Variants in POGZ observed in about 807,000 individuals in gnomAD.
POGZ encodes pogo transposable element derived with ZNF domain, also known as pogo transposable element with ZNF domain.
A neutral mutation model predicts 134.6 loss-of-function variants in POGZ; 17 were observed. The observed-to-expected ratio is 0.13, with a 90% CI of 0.09 to 0.19. The LOEUF (loss-of-function observed/expected upper bound fraction) is 0.19, where lower values mean the gene tolerates loss of function less well. Ranked by LOEUF, POGZ falls within the 10% of genes least tolerant of loss-of-function variation. POGZ has a pLI of 1.00. For missense variants in POGZ, 1,306 were observed against 1,769.7 expected, an observed-to-expected ratio of 0.74 and a Z score of 4.70; for synonymous variants, 693 against 657.1, an observed-to-expected ratio of 1.05 and a Z score of -0.84.
chr1:151,440,886 C>A (rs771186733), intron 3 of POGZ, 42 bp downstream of exon 3: 9 of 1,560,142 alleles, frequency 5.8e-6, no homozygotes, highest in Non-Finnish European at 7.1e-6. Context: ...ATTCTTTCAC[C>A]CCTCTAGCCC....
chr1:151,417,685 T>TA, intron 10 of POGZ, among the ~76,000 whole-genome samples: 1 of 112,788 alleles, frequency 8.9e-6, no homozygotes, highest in African/African-American at 3.6e-5. Context: ...AAAGGTACTG[T>TA]GGCCACACAC....
intron 18 of POGZ, 26 bp downstream of exon 18, chr1:151,406,576 GAAATT>G: frequency 6.2e-7 from 1 of 1,605,202 alleles, no homozygotes; most frequent in Non-Finnish European, 8.5e-7. Flanking sequence ...CTGCAAACCA[GAAATT>G]AAATTGTGAG....
chr1:151,429,469 C>A, intron 5 of POGZ, 134 bp downstream of exon 5: 1 of 446,988 alleles, frequency 2.2e-6, no homozygotes, highest in African/African-American at 2.0e-5. Context: ...TAAAATTGGG[C>A]TTAAATCATT....
chr1:151,430,773 C>G lies in POGZ; in HGVS notation c.352G>C (p.Gly118Arg). The G allele has an allele frequency of 6.2e-7, 1 of 1,600,730 alleles. No homozygotes were observed. The highest frequency in any genetic ancestry group is 8.5e-7 in the Non-Finnish European group (1 of 1,174,720). ...AATACTGGTTGAGTAACCATTGTGC[C>G]CAGACCTGGGGCTGGATTCTGGGTC... ...ILTQNPAPGL[G>R]TMVTQPVLRP... The change falls in exon 4 of 19, where the codon GGC becomes CGC. Residue 118 changes from glycine (G) to arginine (R), a missense_variant. Around this residue, in one of 10 missense-constraint regions of POGZ, gnomAD observed 541 missense variants for 680.5 expected, o/e 0.80. Transcript: ENST00000271715.
intron 1 of POGZ, among the ~76,000 whole-genome samples, chr1:151,448,666 A>G (rs1661604432): frequency 6.6e-6 from 1 of 152,002 alleles, no homozygotes; most frequent in Admixed American, 6.6e-5. Context: ...GTTCGAGACC[A>G]GCCTGGGCAA....
chr1:151,426,498 A>G (rs1657804082), intron 7 of POGZ: 2 of 151,894 alleles, frequency 1.3e-5, no homozygotes, highest in South Asian at 2.1e-4. Flanking sequence ...TCCTTTGTCT[A>G]TTTTTTAAAA....
Position 151,406,010 on chromosome 1 carries a change from G to T in POGZ, c.3025C>A (p.Arg1009Ser). The change falls in exon 19 of 19, where the codon CGT (arginine) becomes AGT (serine). Residue 1009 changes from arginine to serine, a missense_variant. Arg to Ser is a moderately radical substitution (Grantham distance 110, BLOSUM62 -1). Coordinates refer to ENST00000271715, the MANE Select transcript of POGZ (RefSeq NM_015100.4). ...PQRRIRRWLR[R>S]FQASQGENLE... ...TTCTCCCCCTGGGAGGCCTGGAAAC[G>T]TCGAAGCCAACGGCGAATACGTCGC... The T allele has an allele frequency of 6.2e-7, 1 of 1,614,230 alleles. No homozygotes were observed. Among genetic ancestry groups the T allele is most frequent in the Non-Finnish European group, 8.5e-7 (1 of 1,180,046 alleles).
chr1:151,406,847 T>A, intron 17 of POGZ, 64 bp downstream of exon 17: 1 of 1,264,714 alleles, frequency 7.9e-7, no homozygotes, highest in South Asian at 1.2e-5. Flanking sequence ...TCCTGATGCA[T>A]ACAGTACGAA....
At chr1:151,456,251 A>G (rs1305579083) in intron 1 of POGZ, among the ~76,000 whole-genome samples, 1 of 151,730 alleles carries the variant, frequency 6.6e-6, no homozygotes, top group Non-Finnish European at 1.5e-5. Context: ...TCATTAAACA[A>G]CATTTTAAAA....
At chr1:151,416,552 G>C (rs1002139376) in intron 10 of POGZ, among the ~76,000 whole-genome samples, 2 of 151,642 alleles carry the variant, frequency 1.3e-5, no homozygotes, top group African/African-American at 2.4e-5. Flanking sequence ...GAACCCTAGG[G>C]CCATACAAGC....
rs1230049196 is a variant in POGZ at position 151,459,260 on chromosome 1, G to A, written c.-110C>T. On this transcript the variant is annotated 5_prime_UTR_variant, in exon 1 of 19. Transcript: ENST00000271715. ...GGTGGGAGCAGGGGGAGGGGACGGG[G>A]GCTTGGGGGGAGACGAAGAAGAGGT... The A allele has an allele frequency of 3.3e-5, 5 of 152,084 alleles. No homozygotes were observed. Among genetic ancestry groups the A allele is most frequent in the African/African-American group, 4.8e-5 (2 of 41,396 alleles). The allele number at this position is 152,084 out of a possible 1,614,324, so 9.4% of individuals were successfully genotyped here.
At chr1:151,412,242 T>C (rs1010055701) in intron 11 of POGZ, 54 bp downstream of exon 11, 24 of 920,034 alleles carry the variant, frequency 2.6e-5, no homozygotes, top group Admixed American at 1.2e-4. Flanking sequence ...GTAAATTCTT[T>C]GTATTCTTCC....
At chr1:151,407,413 A>C in intron 15 of POGZ, 122 bp from the exon 16 acceptor site, 1 of 660,904 alleles carries the variant, frequency 1.5e-6, no homozygotes, top group East Asian at 2.7e-5. Context: ...ATCTCAACCT[A>C]AGCCAGTTTT....
chr1:151,444,635 T>C (rs1661014655), intron 1 of POGZ, among the ~76,000 whole-genome samples: 1 of 152,234 alleles, frequency 6.6e-6, no homozygotes. Context: ...GCTATCAGAA[T>C]ACAAATTGTG....
intron 1 of POGZ, chr1:151,455,306 T>A (rs779418501): frequency 6.6e-6 from 1 of 152,218 alleles, no homozygotes; most frequent in African/African-American, 2.4e-5. Flanking sequence ...AGTAACTTCC[T>A]CAAGGTTACA....
At chr1:151,421,481 A>G (rs1054793591) in intron 10 of POGZ, among the ~76,000 whole-genome samples, 2 of 152,232 alleles carry the variant, frequency 1.3e-5, no homozygotes, top group African/African-American at 4.8e-5. Context: ...ATTAATGTCA[A>G]TCCCACTTCC....
At chr1:151,413,710 C>T (rs1371201086) in intron 10 of POGZ, among the ~76,000 whole-genome samples, 4 of 151,144 alleles carry the variant, frequency 2.6e-5, no homozygotes, top group East Asian at 2.0e-4. Flanking sequence ...GACAGAGTCT[C>T]GTTCTGTCTC....
chr1:151,431,796 A>G (rs1658738627), intron 3 of POGZ, among the ~76,000 whole-genome samples: 1 of 152,116 alleles, frequency 6.6e-6, no homozygotes, highest in Non-Finnish European at 1.5e-5. Context: ...TGGTGAAAAA[A>G]CCAATACTAA....
chr1:151,431,091 A>T (rs1301387201), intron 3 of POGZ, among the ~76,000 whole-genome samples: 1 of 152,068 alleles, frequency 6.6e-6, no homozygotes, highest in Non-Finnish European at 1.5e-5. Context: ...TTAGAAACAG[A>T]AATGGTGTCC....
Sources: gnomAD v4.1 joint callset for allele counts (sites outside exome capture counted in the v4.1 genomes callset) on GRCh38, gnomAD v4.1.1 for gene constraint, gnomAD v4.1.1 regional missense constraint, MANE v1.5 for transcripts, NCBI Gene and HGNC (gene_info 2026-07-23, HGNC 2026-07-21) for gene names.